Variants in SGCD observed in about 807,000 individuals in gnomAD.
SGCD encodes delta-sarcoglycan.
SGCD carries 18 observed loss-of-function variants against 36.6 expected under a neutral mutation model. The observed-to-expected ratio is 0.49, with a 90% confidence interval of 0.34 to 0.73. The LOEUF (loss-of-function observed/expected upper bound fraction) is 0.73. Ranked by LOEUF, SGCD falls within the 30% of genes least tolerant of loss-of-function variation. SGCD has a pLI of 0.01. For synonymous variants in SGCD, 133 were observed against 130.6 expected (o/e 1.02, Z -0.12); for missense variants, 387 against 346.7 (o/e 1.12, Z -0.92).
chr5:156,042,031 C>T (rs1187189034), intron 1 of SGCD, among the ~76,000 whole-genome samples: 3 of 152,134 alleles, frequency 2.0e-5, no homozygotes. Context: ...ATGTGGAGAA[C>T]TGAAGTGGAG....
rs111458843 is a variant in SGCD, at chr5:156,653,493, C to CTTTTTTTTTTTTTTTTTTTTTTTT, written c.575+5972_575+5973insTTTTTTTTTTTTTTTTTTTTTTTT. Among the ~76,000 whole-genome samples, 150 of 48,084 alleles carry CTTTTTTTTTTTTTTTTTTTTTTTT rather than the reference C, an allele frequency of 3.1e-3. 59 individuals carry two copies. The highest frequency in any genetic ancestry group is 4.3e-3 in the Non-Finnish European group (107 of 24,948). The allele number at this position is 48,084 out of a possible 152,430, so 31.5% of individuals were successfully genotyped here. A position where few individuals can be genotyped will look rare whatever the true frequency, so the allele number is the denominator to read the frequency against. On this transcript the variant is annotated intron_variant, in intron 7 of 8. Coordinates refer to ENST00000337851, the MANE Select transcript of SGCD (RefSeq NM_000337.6). ...TTTTCTTACGTAATTCTAAAGCTTGCTTTTTTTTTTTTTTTGCCCCTGTTG... is the reference window on the plus strand; with the variant it reads ...TTTTCTTACGTAATTCTAAAGCTTGCTTTTTTTTTTTTTTTTTTTTTTTTTTTTTTTTTTTTTTTGCCCCTGTTG...
chr5:156,524,093 ACT>A (rs1757528824), intron 4 of SGCD, among the ~76,000 whole-genome samples: 1 of 62,476 alleles, frequency 1.6e-5, no homozygotes, highest in Non-Finnish European at 2.9e-5. Flanking sequence ...GTGAGGTCTT[ACT>A]ATATATATAT....
At chr5:156,395,920 T>G (rs1357847869) in intron 3 of SGCD, among the ~76,000 whole-genome samples, 1 of 152,238 alleles carries the variant, frequency 6.6e-6, no homozygotes, top group Non-Finnish European at 1.5e-5. Context: ...TCATCCTACT[T>G]AGTTATGACT....
the SGCD span, among the ~76,000 whole-genome samples, chr5:155,815,862 A>G: frequency 1.3e-5 from 2 of 152,166 alleles, no homozygotes; most frequent in South Asian, 4.1e-4. Flanking sequence ...AAACCATATC[A>G]AATGTAAAGG....
At chr5:156,644,542 CTT>C (rs796976294) in intron 6 of SGCD, among the ~76,000 whole-genome samples, 2 of 143,878 alleles carry the variant, frequency 1.4e-5, no homozygotes, top group African/African-American at 2.5e-5. Context: ...AAGTCTGTTC[CTT>C]TTTTTTTTTC....
intron 3 of SGCD, among the ~76,000 whole-genome samples, chr5:156,449,870 A>T: frequency 6.6e-6 from 1 of 151,202 alleles, no homozygotes; most frequent in African/African-American, 2.4e-5. Flanking sequence ...AAAAAAAAAA[A>T]AAGAAACTTT....
intron 1 of SGCD, among the ~76,000 whole-genome samples, chr5:155,913,312 A>T (rs545493322): frequency 1.1e-4 from 16 of 152,192 alleles, no homozygotes; most frequent in Non-Finnish European, 2.2e-4. Context: ...AATGACTTGC[A>T]TGATTTCATC....
At chr5:156,711,198 A>AG (rs945044214) in intron 7 of SGCD, among the ~76,000 whole-genome samples, 7 of 152,082 alleles carry the variant, frequency 4.6e-5, no homozygotes, top group South Asian at 4.2e-4. Flanking sequence ...CTTGGTCAAG[A>AG]GGGGGGGTCC....
intron 3 of SGCD, among the ~76,000 whole-genome samples, chr5:156,185,823 ATGTGTGTGTG>A (rs1258770652): frequency 7.4e-6 from 1 of 135,158 alleles, no homozygotes; most frequent in Non-Finnish European, 1.6e-5. Flanking sequence ...GGCCATATAT[ATGTGTGTGTG>A]TATATATATA....
chr5:155,878,808 A>G (rs989317459), intron 1 of SGCD, among the ~76,000 whole-genome samples: 17 of 152,186 alleles, frequency 1.1e-4, no homozygotes, highest in African/African-American at 3.9e-4. Flanking sequence ...TCATGTGAGT[A>G]TATATAAAAT....
intron 1 of SGCD, among the ~76,000 whole-genome samples, chr5:156,023,135 T>C (rs1759145388): frequency 6.6e-6 from 1 of 152,256 alleles, no homozygotes; most frequent in African/African-American, 2.4e-5. Flanking sequence ...CTTTGAAATA[T>C]GAATGATGAC....
intron 3 of SGCD, among the ~76,000 whole-genome samples, chr5:156,279,474 C>T (rs1766393228): frequency 6.6e-6 from 1 of 152,124 alleles, no homozygotes; most frequent in South Asian, 2.1e-4. Context: ...AATGTGACTT[C>T]ATGAGAAATA....
chr5:156,148,322 C>G (rs1762755577), intron 3 of SGCD, among the ~76,000 whole-genome samples: 1 of 152,076 alleles, frequency 6.6e-6, no homozygotes, highest in Non-Finnish European at 1.5e-5. Flanking sequence ...TTGGGTTTGT[C>G]TTGTTTCAAA....
intron 3 of SGCD, among the ~76,000 whole-genome samples, chr5:156,482,906 A>C (rs1024318540): frequency 7.9e-6 from 1 of 126,234 alleles, no homozygotes; most frequent in Non-Finnish European, 1.6e-5. Context: ...GACTTTTGAC[A>C]TTTTGGACTG....
At chr5:155,762,805 T>C in the SGCD span, among the ~76,000 whole-genome samples, 5 of 152,320 alleles carry the variant, frequency 3.3e-5, no homozygotes, top group Admixed American at 6.5e-5. Flanking sequence ...CACTGTAGTA[T>C]GGCAATTCCT....
At chr5:156,512,762 C>T (rs1032390268) in intron 4 of SGCD, among the ~76,000 whole-genome samples, 2 of 152,148 alleles carry the variant, frequency 1.3e-5, no homozygotes, top group African/African-American at 4.8e-5. Context: ...TTTAATCCCC[C>T]CATCCTGCTG....
chr5:156,242,147 T>G (rs1198433145), intron 3 of SGCD, among the ~76,000 whole-genome samples: 2 of 152,218 alleles, frequency 1.3e-5, no homozygotes, highest in Non-Finnish European at 2.9e-5. Flanking sequence ...CTGTGGTATA[T>G]CTATACTGTG....
chr5:155,867,999 A>C (rs1755554092), upstream of SGCD, among the ~76,000 whole-genome samples: 1 of 152,226 alleles, frequency 6.6e-6, no homozygotes, highest in Admixed American at 6.5e-5. Context: ...AAAATGTTCA[A>C]AAAGGGCTGT....
chr5:155,916,261 GCAAAA>G lies in SGCD; in HGVS notation c.-282+45840_-282+45844del, dbSNP rs201790686. 4.4e-3 allele frequency among the ~76,000 whole-genome samples: 675 copies of G among 152,032 alleles called. 4 individuals carry two copies. The highest frequency in any genetic ancestry group is 0.016 in the African/African-American group (653 of 41,476). ...CGAGTGAAAAATTTAATTATTTGTA[GCAAAA>G]CATAAAAAAACAGAAAAGGTAGCTG... On this transcript the variant is annotated intron_variant, in intron 1 of 9. Transcript: ENST00000517913.
Sources: allele counts gnomAD v4.1 joint callset (sites outside exome capture counted in the v4.1 genomes callset), GRCh38; gene constraint gnomAD v4.1.1; transcripts MANE v1.5; gene names NCBI Gene and HGNC (gene_info 2026-07-23, HGNC 2026-07-21).